The following GAP43 variants were observed in gnomAD, a reference collection of about 807,000 sequenced individuals.
The protein encoded by GAP43 is growth associated protein 43.
A neutral mutation model predicts 18.6 loss-of-function variants in GAP43; 6 were observed. The ratio of observed to expected loss-of-function variants is 0.32; its 90% confidence interval spans 0.18 to 0.64. The LOEUF is 0.64. Ranked by LOEUF, GAP43 falls within the 30% of genes least tolerant of loss-of-function variation. The pLI, the probability that GAP43 is intolerant of heterozygous loss-of-function variation, is 0.78. For missense variants in GAP43, 292 were observed against 295.5 expected, an observed-to-expected ratio of 0.99 and a Z score of 0.09; for synonymous variants, 115 against 111.4, an observed-to-expected ratio of 1.03 and a Z score of -0.20.
chr3:115,696,217 C>CTGTCTTT (rs1226546246), intron 2 of GAP43, among the ~76,000 whole-genome samples: 9 of 152,122 alleles, frequency 5.9e-5, no homozygotes, highest in African/African-American at 2.2e-4. Flanking sequence ...AACCAAACTT[C>CTGTCTTT]TGTCTTTTTT....
At chr3:115,657,829 A>T (rs1708602945) in intron 1 of GAP43, among the ~76,000 whole-genome samples, 1 of 152,130 alleles carries the variant, frequency 6.6e-6, no homozygotes, top group African/African-American at 2.4e-5. Context: ...AAGTTCTGGG[A>T]TTACAGACGT....
At chr3:115,718,309 T>C (rs1709536940) in intron 2 of GAP43, among the ~76,000 whole-genome samples, 1 of 152,170 alleles carries the variant, frequency 6.6e-6, no homozygotes. Flanking sequence ...ACTTGTAATA[T>C]CCAAAGGTTT....
chr3:115,634,572 C>A (rs1708305569), intron 1 of GAP43, among the ~76,000 whole-genome samples: 1 of 151,934 alleles, frequency 6.6e-6, no homozygotes, highest in South Asian at 2.1e-4. Flanking sequence ...GAGTTCGAGA[C>A]CAGCCTGGGA....
intron 2 of GAP43, among the ~76,000 whole-genome samples, chr3:115,714,873 G>A (rs1709484530): frequency 6.6e-6 from 1 of 150,390 alleles, no homozygotes; most frequent in East Asian, 2.0e-4. Flanking sequence ...GTGTGCGCGT[G>A]CACACACACA....
chr3:115,690,489 G>T (rs1164531010), intron 2 of GAP43, among the ~76,000 whole-genome samples: 1 of 152,108 alleles, frequency 6.6e-6, no homozygotes. Context: ...TCAACCTCAG[G>T]TTCCTCACTG....
intron 1 of GAP43, chr3:115,663,927 C>T (rs1708698645): frequency 3.9e-6 from 6 of 1,551,658 alleles, no homozygotes; most frequent in Admixed American, 2.0e-5. Context: ...GTAATTTTAC[C>T]TCACATGTAA....
chr3:115,709,823 T>C (rs1709411061), intron 2 of GAP43, among the ~76,000 whole-genome samples: 1 of 145,674 alleles, frequency 6.9e-6, no homozygotes, highest in Admixed American at 7.2e-5. Flanking sequence ...TTACTGCATT[T>C]TGCAAGTATA....
In GAP43 at chr3:115,721,119, G is replaced by A. The variant is rs187150888; in HGVS notation, c.*237G>A. On this transcript the variant is annotated 3_prime_UTR_variant, in exon 3 of 3. Transcript: ENST00000305124. ...GCTTAAACATTTTTTGTTTCTTGGTGTTGTTATGGCAAGTTTTTGGTAATG... is the reference window on the plus strand; with the variant it reads ...GCTTAAACATTTTTTGTTTCTTGGTATTGTTATGGCAAGTTTTTGGTAATG... 3.9e-6 allele frequency: 1 copy of A among 259,602 alleles called. No homozygotes were observed. Among genetic ancestry groups the A allele is most frequent in the East Asian group, 7.3e-5 (1 of 13,792 alleles). 16.1% of individuals were successfully genotyped at this position (259,602 alleles called of 1,614,324 possible). A position where few individuals can be genotyped will look rare whatever the true frequency, so the allele number is the denominator to read the frequency against.
chr3:115,626,512 G>A (rs1708190082), intron 1 of GAP43, among the ~76,000 whole-genome samples: 1 of 152,040 alleles, frequency 6.6e-6, no homozygotes, highest in African/African-American at 2.4e-5. Context: ...GTAAAGGAGT[G>A]GGCAAAGGAG....
intron 2 of GAP43, among the ~76,000 whole-genome samples, chr3:115,718,277 G>T (rs191573073): frequency 6.4e-4 from 98 of 152,248 alleles, no homozygotes; most frequent in Admixed American, 2.1e-3. Flanking sequence ...AACTGATAAG[G>T]ATGGTAAACT....
intron 1 of GAP43, among the ~76,000 whole-genome samples, chr3:115,663,026 C>A (rs763299065): frequency 6.6e-6 from 1 of 152,108 alleles, no homozygotes; most frequent in Non-Finnish European, 1.5e-5. Flanking sequence ...CCAAAGGGTT[C>A]GGTGTTTCTC....
At chr3:115,675,008 C>G (rs1474614954) in intron 1 of GAP43, among the ~76,000 whole-genome samples, 3 of 152,160 alleles carry the variant, frequency 2.0e-5, no homozygotes, top group Admixed American at 6.5e-5. Context: ...TGTAAACCCT[C>G]TATCTTTCAG....
At chr3:115,719,825 ATTGT>A (rs1470618616) in intron 2 of GAP43, among the ~76,000 whole-genome samples, 16 of 152,294 alleles carry the variant, frequency 1.1e-4, no homozygotes, top group African/African-American at 1.9e-4. Context: ...CAGGGAGTTG[ATTGT>A]TTGGCAACAC....
chr3:115,692,244 A>G (rs893831417), intron 2 of GAP43, among the ~76,000 whole-genome samples: 8 of 152,214 alleles, frequency 5.3e-5, no homozygotes, highest in Non-Finnish European at 1.2e-4. Flanking sequence ...ATTCAGTTGC[A>G]TGGTCTGGCC....
chr3:115,627,609 A>G (rs923727861), intron 1 of GAP43, among the ~76,000 whole-genome samples: 10 of 152,098 alleles, frequency 6.6e-5, no homozygotes, highest in Non-Finnish European at 1.0e-4. Flanking sequence ...ATATTAACCA[A>G]TCGTATTGAT....
chr3:115,641,543 C>CAT (rs148731356), intron 1 of GAP43, among the ~76,000 whole-genome samples: 2,905 of 150,336 alleles, frequency 0.019, 102 homozygotes, highest in African/African-American at 0.064. Flanking sequence ...CACACACACA[C>CAT]GGTGCTTTCC....
chr3:115,713,278 G>T (rs1442269278), intron 2 of GAP43, among the ~76,000 whole-genome samples: 1 of 152,204 alleles, frequency 6.6e-6, no homozygotes, highest in African/African-American at 2.4e-5. Flanking sequence ...GCTCATTGGT[G>T]ATTGGTAGAG....
In GAP43 at chr3:115,623,623, G is replaced by T. The variant is rs975544658; in HGVS notation, c.-67G>T. 2 of 1,593,820 alleles carry T rather than the reference G, an allele frequency of 1.3e-6. No homozygotes were observed. The highest frequency in any genetic ancestry group is 1.3e-5 in the African/African-American group (1 of 74,490). On this transcript the variant is annotated 5_prime_UTR_variant, in exon 1 of 3. Coordinates refer to ENST00000305124, the MANE Select transcript of GAP43 (RefSeq NM_002045.4). ...AAGCGAGCAGAAAAGAGGTGGAGAG[G>T]GGGGGAATAAGAAAGAGAGAGAAGG...
intron 1 of GAP43, among the ~76,000 whole-genome samples, chr3:115,649,112 GT>G (rs1708493818): frequency 6.6e-6 from 1 of 152,108 alleles, no homozygotes; most frequent in South Asian, 2.1e-4. Flanking sequence ...TTGGTTATTA[GT>G]AACAGAAATT....
Sources: gnomAD v4.1 joint callset for allele counts (sites outside exome capture counted in the v4.1 genomes callset) on GRCh38, gnomAD v4.1.1 for gene constraint, MANE v1.5 for transcripts, NCBI Gene and HGNC (gene_info 2026-07-23, HGNC 2026-07-21) for gene names.